Variants in MTERF3 observed in about 807,000 individuals in gnomAD.
MTERF3 encodes the protein mitochondrial transcription termination factor 3.
A neutral mutation model predicts 40.5 loss-of-function variants in MTERF3; 40 were observed. The observed-to-expected ratio is 0.99, with a 90% CI of 0.77 to 1.29. The LOEUF (loss-of-function observed/expected upper bound fraction) is 1.29, where lower values mean the gene tolerates loss of function less well. Among genes scored for constraint, MTERF3 ranks in the 50% most tolerant of loss-of-function variants. The pLI is 0.00. For missense variants in MTERF3, 452 were observed against 478.2 expected, an observed-to-expected ratio of 0.95 and a Z score of 0.51; for synonymous variants, 158 against 166.6, an observed-to-expected ratio of 0.95 and a Z score of 0.40.
In MTERF3 at chr8:96,239,532, C is replaced by T. The variant is rs1809880014; in HGVS notation, c.1213G>A (p.Ala405Thr). The stretch of plus-strand genomic sequence containing the variant: ...AATTTTTCAAAGTCCTGTACTGATG[C>T]TTTGGCAATCTCTTCACAAAATATT... ...DEIFCEEIAK[A>T]SVQDFEKFLK... Residue 405 changes from alanine (A) to threonine (T), a missense_variant, in exon 8 of 8, where the codon GCA becomes ACA. By Grantham distance (58) the Ala-to-Thr change is moderately conservative. Coordinates refer to ENST00000287025, the MANE Select transcript of MTERF3 (RefSeq NM_015942.5). 1 of 1,609,730 alleles carries T rather than the reference C, an allele frequency of 6.2e-7. No homozygotes were observed. Among genetic ancestry groups the T allele is most frequent in the South Asian group, 1.1e-5 (1 of 90,348 alleles).
Position 96,256,781 on chromosome 8 carries a change from T to C in MTERF3, c.487+181A>G, listed in dbSNP as rs1398589189. On this transcript the variant is annotated intron_variant, in intron 3 of 7. Transcript: ENST00000287025. ...AAGTTAAGTAGATGCATCTGGGGAATAGGATGCAAGATCACCAAGGATGAG... is the reference window on the plus strand; with the variant it reads ...AAGTTAAGTAGATGCATCTGGGGAACAGGATGCAAGATCACCAAGGATGAG... 1.3e-5 allele frequency among the ~76,000 whole-genome samples: 2 copies of C among 152,214 alleles called. 1 individual carries two copies. Among genetic ancestry groups the C allele is most frequent in the Non-Finnish European group, 2.9e-5 (2 of 68,036 alleles).
At chr8:96,255,985 CT>C (rs1474260817) in intron 3 of MTERF3, among the ~76,000 whole-genome samples, 3 of 152,096 alleles carry the variant, frequency 2.0e-5, no homozygotes, top group Non-Finnish European at 4.4e-5. Context: ...GAGGTACAGA[CT>C]AAAAACTGGG....
chr8:96,253,753 C>T (rs1016696751), intron 3 of MTERF3, among the ~76,000 whole-genome samples: 1 of 151,780 alleles, frequency 6.6e-6, no homozygotes, highest in Non-Finnish European at 1.5e-5. Context: ...TGCCTGTTAT[C>T]CCAGCACTTT....
At chr8:96,244,194 G>T in intron 6 of MTERF3, 114 bp from the exon 7 acceptor site, 1 of 811,228 alleles carries the variant, frequency 1.2e-6, no homozygotes, top group African/African-American at 1.7e-5. Flanking sequence ...ATGTTGCCCA[G>T]GATGGAGTGC....
intron 2 of MTERF3, 45 bp from the exon 3 acceptor site, chr8:96,257,159 A>G: frequency 3.9e-6 from 6 of 1,550,730 alleles, no homozygotes; most frequent in Non-Finnish European, 5.2e-6. Flanking sequence ...TGCACACTTA[A>G]AACTATTTCT....
chr8:96,246,089 G>T (rs1402904967), intron 5 of MTERF3, among the ~76,000 whole-genome samples, 158 bp from the exon 6 acceptor site: 3 of 151,936 alleles, frequency 2.0e-5, no homozygotes, highest in Non-Finnish European at 4.4e-5. Flanking sequence ...AATACTGTTT[G>T]GAAAAAAAGA....
chr8:96,245,291 T>C (rs1586164276), intron 6 of MTERF3, among the ~76,000 whole-genome samples: 2 of 152,220 alleles, frequency 1.3e-5, no homozygotes, highest in African/African-American at 2.4e-5. Context: ...CAGCTTTATA[T>C]ACTAACTAGT....
Position 96,251,363 on chromosome 8 carries a change from G to C in MTERF3, c.488-268C>G, listed in dbSNP as rs1427960302. Among the ~76,000 whole-genome samples the C allele has an allele frequency of 2.0e-5, 3 of 152,194 alleles. No individual in the cohort carries two copies. In the South Asian group the frequency reaches 6.2e-4, roughly 32 times the overall value. On this transcript the variant is annotated intron_variant, in intron 3 of 7. Coordinates refer to ENST00000287025, the MANE Select transcript of MTERF3 (RefSeq NM_015942.5). ...AATTCACTAAGTCATATTGGTGTAG[G>C]GTCATCATCTTTGTCTAAGGTTTCT...
Position 96,246,354 on chromosome 8 carries a change from T to C in MTERF3, c.778A>G (p.Asn260Asp), listed in dbSNP as rs763318190. The C allele has an allele frequency of 5.1e-5, 82 of 1,612,536 alleles. No individual in the cohort carries two copies. In the East Asian group the frequency reaches 1.5e-3, roughly 29 times the overall value. The change falls in exon 5 of 8, where the codon AAC (asparagine) becomes GAC (aspartate). Residue 260 changes from asparagine to aspartate, a missense_variant. Physicochemically the swap from Asn to Asp is conservative, Grantham distance 23. Coordinates refer to ENST00000287025, the MANE Select transcript of MTERF3 (RefSeq NM_015942.5). ...TCTTTCTGAAAAAATCCCAATCTGT[T>C]ATCCAGTCTTTCCACTGAAAAGTTC... is the stretch of plus-strand genomic sequence containing the variant. ...LLNFSVERLDNRLGFFQKELE... is the reference protein window; with the variant it reads ...LLNFSVERLDDRLGFFQKELE...
intron 3 of MTERF3, among the ~76,000 whole-genome samples, chr8:96,254,626 A>G (rs1413984090): frequency 6.6e-6 from 1 of 152,196 alleles, no homozygotes; most frequent in African/African-American, 2.4e-5. Flanking sequence ...AATATACCAC[A>G]TTTTCTTTAG....
chr8:96,257,141 C>T (rs1810295859), intron 2 of MTERF3, 27 bp from the exon 3 acceptor site: 1 of 1,601,886 alleles, frequency 6.2e-7, no homozygotes, highest in African/African-American at 1.3e-5. Context: ...CAAATTAGTG[C>T]TCTAATATGC....
intron 4 of MTERF3, among the ~76,000 whole-genome samples, chr8:96,250,537 C>T (rs1810117687): frequency 7.1e-6 from 1 of 141,292 alleles, no homozygotes; most frequent in Non-Finnish European, 1.6e-5. Context: ...GTGGCGAAAC[C>T]CCATCTCTCC....
chr8:96,239,943 G>C, intron 7 of MTERF3: 3 of 632,056 alleles, frequency 4.7e-6, no homozygotes, highest in Non-Finnish European at 5.6e-6. Context: ...GAGTGCTCCA[G>C]AGACAGAGGA....
intron 4 of MTERF3, among the ~76,000 whole-genome samples, chr8:96,248,245 C>T (rs989616179): frequency 1.4e-4 from 21 of 152,190 alleles, no homozygotes; most frequent in African/African-American, 5.1e-4. Context: ...CAGAGAGACA[C>T]CAATATGTGT....
chr8:96,249,817 T>C (rs1810090831), intron 4 of MTERF3, among the ~76,000 whole-genome samples: 1 of 152,164 alleles, frequency 6.6e-6, no homozygotes, highest in African/African-American at 2.4e-5. Flanking sequence ...ATTTGAGCTA[T>C]AAGAAGAGAA....
chr8:96,253,426 G>A (rs1390690306), intron 3 of MTERF3, among the ~76,000 whole-genome samples: 1 of 152,094 alleles, frequency 6.6e-6, no homozygotes, highest in East Asian at 1.9e-4. Flanking sequence ...TCCTGTAGGT[G>A]CCTCCCACTG....
chr8:96,240,580 G>A (rs1489232510), intron 7 of MTERF3, among the ~76,000 whole-genome samples: 9 of 152,054 alleles, frequency 5.9e-5, no homozygotes, highest in Non-Finnish European at 1.0e-4. Flanking sequence ...TAGAGTAAGC[G>A]GCAGCAACTT....
chr8:96,256,488 G>A (rs986888026), intron 3 of MTERF3, among the ~76,000 whole-genome samples: 1 of 152,076 alleles, frequency 6.6e-6, no homozygotes, highest in Admixed American at 6.5e-5. Context: ...TATTACTGCC[G>A]GAAAAATGAA....
At chr8:96,257,487 C>T (rs189869178) in intron 2 of MTERF3, among the ~76,000 whole-genome samples, 1 of 152,278 alleles carries the variant, frequency 6.6e-6, no homozygotes, top group Admixed American at 6.5e-5. Flanking sequence ...GTCTGAATTG[C>T]ATGGATTAAA....
Sources: allele counts gnomAD v4.1 joint callset (sites outside exome capture counted in the v4.1 genomes callset), GRCh38; gene constraint gnomAD v4.1.1; transcripts MANE v1.5; gene names NCBI Gene and HGNC (gene_info 2026-07-23, HGNC 2026-07-21).